Variants in WDPCP observed in about 807,000 individuals in gnomAD.
The protein encoded by WDPCP is WD repeat containing planar cell polarity effector, also known as WD repeat-containing and planar cell polarity effector protein fritz homolog.
In WDPCP, 71 loss-of-function variants were observed where a neutral mutation model predicts 93.1. The ratio of observed to expected loss-of-function variants is 0.76; its 90% CI spans 0.63 to 0.93. WDPCP has a LOEUF of 0.93. WDPCP is among the 40% of genes least tolerant of loss of function. The probability of loss-of-function intolerance (pLI) is 0.00; values close to 1 mark genes in which losing one functional copy is unlikely to be tolerated. For synonymous variants in WDPCP, 315 were observed against 315.0 expected, an observed-to-expected ratio of 1.00 and a Z score of 0.00; for missense variants, 844 against 887.4, an observed-to-expected ratio of 0.95 and a Z score of 0.62.
intron 1 of WDPCP, among the ~76,000 whole-genome samples, chr2:63,527,287 T>C (rs903908343): frequency 6.6e-6 from 1 of 151,890 alleles, no homozygotes; most frequent in Non-Finnish European, 1.5e-5. Flanking sequence ...TTGTTACATA[T>C]GTATACCTGT....
rs563841119 is a variant in WDPCP at position 63,321,890 on chromosome 2, G to A, written c.1749-8579C>T. Among the ~76,000 whole-genome samples, 32 of 151,778 alleles carry A rather than the reference G, an allele frequency of 2.1e-4. No individual in the cohort carries two copies. The South Asian group carries it at 6.7e-3, about 32-fold the overall frequency. ...GAGCTCCTTTTTCTTTATTTCTATT[G>A]TCTTCTTTTTACATATCACTTTACT... On this transcript the variant is annotated intron_variant, in intron 12 of 17. Coordinates refer to ENST00000272321, the MANE Select transcript of WDPCP (RefSeq NM_015910.7).
intron 1 of WDPCP, among the ~76,000 whole-genome samples, chr2:63,534,064 C>G (rs1037081865): frequency 6.6e-6 from 1 of 152,124 alleles, no homozygotes; most frequent in African/African-American, 2.4e-5. Flanking sequence ...AAACTACCAT[C>G]AGAGAATACT....
At position 63,702,217 on chromosome 2, in the gene WDPCP, G is replaced by T. The variant is rs1342754194; in HGVS notation, n.309-51379C>A. Among the ~76,000 whole-genome samples the T allele has an allele frequency of 2.0e-5, 3 of 151,892 alleles. No homozygotes were observed. In the East Asian group the frequency reaches 5.8e-4, roughly 30 times the overall value. ...ATTTTTGTATTTTTGGTAGAGATGG[G>T]GTTTCACCATGTTGGCCAGGCTGGT... is the stretch of plus-strand genomic sequence containing the variant. On this transcript the variant is annotated intron_variant and non_coding_transcript_variant, in intron 2 of 4. Coordinates refer to the WDPCP transcript ENST00000467687.
chr2:63,612,707 T>C (rs931330198), intron 3 of WDPCP, among the ~76,000 whole-genome samples: 1 of 152,190 alleles, frequency 6.6e-6, no homozygotes, highest in South Asian at 2.1e-4. Context: ...AGATGCTATA[T>C]AAACTCAAAT....
chr2:63,493,969 T>C (rs1701051800), intron 1 of WDPCP, among the ~76,000 whole-genome samples: 1 of 152,160 alleles, frequency 6.6e-6, no homozygotes, highest in African/African-American at 2.4e-5. Flanking sequence ...TAGGAGTGAC[T>C]AAAAATATTT....
At chr2:63,281,158 A>G (rs1683509605) in intron 13 of WDPCP, among the ~76,000 whole-genome samples, 1 of 152,174 alleles carries the variant, frequency 6.6e-6, no homozygotes, top group Non-Finnish European at 1.5e-5. Flanking sequence ...TCCCATAAAA[A>G]AAGTAGGCTA....
At chr2:63,532,890 C>T (rs1479730961) in intron 1 of WDPCP, among the ~76,000 whole-genome samples, 2 of 152,074 alleles carry the variant, frequency 1.3e-5, no homozygotes, top group African/African-American at 4.8e-5. Flanking sequence ...GGGCTAAATG[C>T]TCTAATTAAA....
chr2:63,179,327 CAG>C (rs1674060773), intron 14 of WDPCP, among the ~76,000 whole-genome samples: 1 of 151,564 alleles, frequency 6.6e-6, no homozygotes, highest in African/African-American at 2.4e-5. Context: ...GGGGAGGACT[CAG>C]GGAACTTTTC....
chr2:63,701,468 G>A (rs1378073525), intron 2 of WDPCP, among the ~76,000 whole-genome samples: 1 of 152,084 alleles, frequency 6.6e-6, no homozygotes. Flanking sequence ...TAAAAATAGA[G>A]CTATCATATG....
intron 14 of WDPCP, among the ~76,000 whole-genome samples, chr2:63,213,635 GAA>G (rs1677041331): frequency 6.6e-6 from 1 of 152,206 alleles, no homozygotes; most frequent in African/African-American, 2.4e-5. Context: ...GAACAGAACT[GAA>G]GGAGACAGAG....
intron 13 of WDPCP, among the ~76,000 whole-genome samples, chr2:63,291,732 G>A (rs1292443312): frequency 6.6e-6 from 1 of 151,546 alleles, no homozygotes; most frequent in Non-Finnish European, 1.5e-5. Flanking sequence ...TTACTTGAAT[G>A]CAGGAGGCAG....
chr2:63,475,363 C>G (rs993638157), intron 6 of WDPCP, among the ~76,000 whole-genome samples: 1 of 152,164 alleles, frequency 6.6e-6, no homozygotes, highest in East Asian at 1.9e-4. Flanking sequence ...CCAGCTATGT[C>G]CAGTCTCCTT....
intron 1 of WDPCP, among the ~76,000 whole-genome samples, chr2:63,522,451 G>GAAAGACACACACAC (rs1553420212): frequency 6.5e-5 from 6 of 92,070 alleles, no homozygotes; most frequent in African/African-American, 2.8e-4. Flanking sequence ...CAGACAGACA[G>GAAAGACACACACAC]ACAGACACAC....
chr2:63,204,961 C>G (rs1355545422), intron 14 of WDPCP, among the ~76,000 whole-genome samples: 5 of 152,016 alleles, frequency 3.3e-5, no homozygotes, highest in Non-Finnish European at 7.4e-5. Flanking sequence ...CCAATATTTT[C>G]TTGTATTAGT....
intron 2 of WDPCP, among the ~76,000 whole-genome samples, chr2:63,490,928 C>A (rs1334618099): frequency 1.3e-5 from 2 of 151,994 alleles, no homozygotes; most frequent in African/African-American, 4.8e-5. Flanking sequence ...AAGCATAAAA[C>A]CTAGTTATAT....
intron 3 of WDPCP, among the ~76,000 whole-genome samples, chr2:63,637,250 G>T (rs1277173276): frequency 6.6e-6 from 1 of 151,954 alleles, no homozygotes; most frequent in East Asian, 1.9e-4. Context: ...CTACTCAGGA[G>T]GCTGAGGCAG....
chr2:63,367,397 T>G (rs1459286342), intron 12 of WDPCP, among the ~76,000 whole-genome samples: 1 of 152,120 alleles, frequency 6.6e-6, no homozygotes. Flanking sequence ...TTCCTTAAAA[T>G]GTATACACAC....
At chr2:63,809,938 TAA>T (rs569852634) in intron 2 of WDPCP, among the ~76,000 whole-genome samples, 14 of 150,662 alleles carry the variant, frequency 9.3e-5, no homozygotes, top group African/African-American at 3.2e-4. Flanking sequence ...AAAATTAAAT[TAA>T]AAAAAAAATT....
chr2:63,651,454 A>AACAC (rs140128523), intron 2 of WDPCP, among the ~76,000 whole-genome samples: 73 of 147,540 alleles, frequency 4.9e-4, no homozygotes, highest in South Asian at 4.0e-3. Context: ...ATGTGTGTAC[A>AACAC]ACACACACAC....
Sources: gnomAD v4.1 joint callset for allele counts (sites outside exome capture counted in the v4.1 genomes callset) on GRCh38, gnomAD v4.1.1 for gene constraint, MANE v1.5 for transcripts, NCBI Gene and HGNC (gene_info 2026-07-23, HGNC 2026-07-21) for gene names.